Variants in SLC39A11 observed in about 807,000 individuals in gnomAD.
SLC39A11 encodes solute carrier family 39 member 11, also known as zinc transporter ZIP11.
SLC39A11 carries 33 observed loss-of-function variants against 36.1 expected under a neutral mutation model. That is an observed-to-expected ratio of 0.91 (90% CI 0.69 to 1.22). The LOEUF (loss-of-function observed/expected upper bound fraction) is 1.22. Among genes scored for constraint, SLC39A11 ranks in the 50% most tolerant of loss-of-function variants. The pLI is 0.00. For missense variants in SLC39A11, 432 were observed against 430.3 expected (o/e 1.00, Z -0.03); for synonymous variants, 166 against 170.3 (o/e 0.97, Z 0.20).
At chr17:72,819,815 C>A (rs982712748) in intron 6 of SLC39A11, among the ~76,000 whole-genome samples, 1 of 151,200 alleles carries the variant, frequency 6.6e-6, no homozygotes, top group African/African-American at 2.4e-5. Flanking sequence ...CAGAAACTGG[C>A]TCAAGGAAAT....
intron 5 of SLC39A11, among the ~76,000 whole-genome samples, chr17:72,908,519 G>A (rs1208811375): frequency 6.6e-6 from 1 of 152,222 alleles, no homozygotes; most frequent in Non-Finnish European, 1.5e-5. Flanking sequence ...AAGGGCAGGA[G>A]AACTGTCCAG....
intron 7 of SLC39A11, among the ~76,000 whole-genome samples, chr17:72,702,771 T>C (rs533646000): frequency 9.7e-4 from 147 of 151,912 alleles, no homozygotes; most frequent in South Asian, 5.2e-3. Flanking sequence ...ACTCCGTCTC[T>C]ACTAAAAATA....
intron 4 of SLC39A11, among the ~76,000 whole-genome samples, chr17:72,962,865 C>T (rs2086703480): frequency 6.6e-6 from 1 of 152,180 alleles, no homozygotes; most frequent in South Asian, 2.1e-4. Context: ...AAGTGTCTGC[C>T]TCTACGGGGA....
chr17:72,899,228 C>T (rs2146882179), intron 5 of SLC39A11, among the ~76,000 whole-genome samples: 1 of 151,508 alleles, frequency 6.6e-6, no homozygotes, highest in East Asian at 2.0e-4. Context: ...CCACCCCAAG[C>T]CCCTGCTGTA....
At chr17:72,724,834 G>C (rs2073856838) in intron 7 of SLC39A11, among the ~76,000 whole-genome samples, 2 of 151,742 alleles carry the variant, frequency 1.3e-5, no homozygotes, top group South Asian at 4.2e-4. Context: ...GAGGCAAGAT[G>C]ATCTTTCAAA....
intron 1 of SLC39A11, among the ~76,000 whole-genome samples, chr17:73,089,434 C>A (rs1480641291): frequency 1.3e-5 from 2 of 152,164 alleles, no homozygotes; most frequent in African/African-American, 4.8e-5. Context: ...TCATGCAGTT[C>A]CCTCCTGGAA....
chr17:72,847,091 A>G (rs1198956118), intron 6 of SLC39A11, among the ~76,000 whole-genome samples: 1 of 152,008 alleles, frequency 6.6e-6, no homozygotes, highest in East Asian at 1.9e-4. Context: ...CTCAAGACAT[A>G]CTGAATACCA....
chr17:72,699,395 T>A (rs1337294908), intron 7 of SLC39A11, among the ~76,000 whole-genome samples: 2 of 152,220 alleles, frequency 1.3e-5, no homozygotes, highest in East Asian at 3.8e-4. Flanking sequence ...TGGGCAAGCT[T>A]GCTGTAGACT....
At chr17:72,815,949 T>C (rs906687042) in intron 6 of SLC39A11, among the ~76,000 whole-genome samples, 3 of 152,318 alleles carry the variant, frequency 2.0e-5, no homozygotes, top group East Asian at 3.9e-4. Flanking sequence ...AAAAGTGTTT[T>C]GTTGTTGTTG....
chr17:72,989,894 G>T (rs1026719268), intron 4 of SLC39A11, among the ~76,000 whole-genome samples: 5 of 152,260 alleles, frequency 3.3e-5, no homozygotes, highest in Non-Finnish European at 7.4e-5. Flanking sequence ...GACTGCTCTC[G>T]TTAGAGGCTC....
At chr17:73,025,841 G>A (rs1219912277) in intron 4 of SLC39A11, among the ~76,000 whole-genome samples, 1 of 152,206 alleles carries the variant, frequency 6.6e-6, no homozygotes, top group South Asian at 2.1e-4. Flanking sequence ...GGGGCTGGGC[G>A]TGGTGGCTCA....
chr17:73,010,732 G>T (rs1390275999), intron 4 of SLC39A11, among the ~76,000 whole-genome samples: 3 of 117,068 alleles, frequency 2.6e-5, no homozygotes, highest in East Asian at 5.4e-4. Flanking sequence ...AAAATCAAAT[G>T]ACACAGGCAA....
chr17:72,813,035 G>A (rs138411475), intron 6 of SLC39A11, among the ~76,000 whole-genome samples: 67 of 152,294 alleles, frequency 4.4e-4, no homozygotes, highest in Admixed American at 1.6e-3. Context: ...AATGACACAG[G>A]GGCAGAAAAT....
intron 7 of SLC39A11, among the ~76,000 whole-genome samples, chr17:72,677,150 A>C (rs1598314233): frequency 6.6e-6 from 1 of 152,156 alleles, no homozygotes; most frequent in African/African-American, 2.4e-5. Context: ...GGCTGGACCT[A>C]AGGGAAGCCT....
chr17:72,664,554 T>G (rs1163844674), intron 7 of SLC39A11, among the ~76,000 whole-genome samples: 1 of 152,174 alleles, frequency 6.6e-6, no homozygotes, highest in Non-Finnish European at 1.5e-5. Flanking sequence ...TATACTAAGG[T>G]GCAAGCCTCC....
Position 72,892,350 on chromosome 17 carries a change from C to T in SLC39A11, c.431-42546G>A, listed in dbSNP as rs1010377664. On this transcript the variant is annotated intron_variant, in intron 5 of 9. Transcript: ENST00000255559. ...GCTTGAACTCAGGAGGTGGAGGATA[C>T]AGTGAGCTGAGATCACACCACTGCA... is the stretch of plus-strand genomic sequence containing the variant. Among the ~76,000 whole-genome samples the T allele has an allele frequency of 6.8e-5, 10 of 146,060 alleles. No individual in the cohort carries two copies. In the East Asian group the frequency reaches 1.2e-3, roughly 18 times the overall value.
chr17:73,014,937 GT>G (rs2090726435), intron 4 of SLC39A11, among the ~76,000 whole-genome samples: 1 of 152,106 alleles, frequency 6.6e-6, no homozygotes, highest in Non-Finnish European at 1.5e-5. Context: ...TGAGCCACTG[GT>G]TCATACTCCC....
At chr17:72,872,702 C>T (rs1375920886) in intron 5 of SLC39A11, among the ~76,000 whole-genome samples, 2 of 152,060 alleles carry the variant, frequency 1.3e-5, no homozygotes, top group African/African-American at 4.8e-5. Context: ...ACTAACCACC[C>T]CCTCCGTTGT....
At chr17:72,931,339 C>T (rs1466642396) in intron 5 of SLC39A11, among the ~76,000 whole-genome samples, 1 of 152,206 alleles carries the variant, frequency 6.6e-6, no homozygotes, top group African/African-American at 2.4e-5. Context: ...ACCATGGCAA[C>T]ACCTTGCAGA....
Sources: gnomAD v4.1 joint callset for allele counts (sites outside exome capture counted in the v4.1 genomes callset) on GRCh38, gnomAD v4.1.1 for gene constraint, MANE v1.5 for transcripts, NCBI Gene and HGNC (gene_info 2026-07-23, HGNC 2026-07-21) for gene names.